RBFOX1: variants seen among roughly 807,000 people sequenced by gnomAD.
RBFOX1 encodes RNA binding fox-1 homolog 1, also known as RNA binding protein fox-1 homolog 1.
RBFOX1 carries 8 observed loss-of-function variants against 57.7 expected under a neutral mutation model. The ratio of observed to expected loss-of-function variants is 0.14; its 90% CI spans 0.08 to 0.25. The LOEUF (loss-of-function observed/expected upper bound fraction) is 0.25, where lower values mean the gene tolerates loss of function less well. Among genes scored for constraint, RBFOX1 ranks in the 10% least tolerant of loss-of-function variants. The probability of loss-of-function intolerance (pLI) is 1.00; values close to 1 mark genes in which losing one functional copy is unlikely to be tolerated. For missense variants in RBFOX1, 611 were observed against 548.5 expected (o/e 1.11, Z -1.14); for synonymous variants, 326 against 222.4 (o/e 1.47, Z -4.15).
At position 6,340,231 on chromosome 16, in the gene RBFOX1, C is replaced by G. The variant is rs182252582; in HGVS notation, c.-64+23174C>G. On this transcript the variant is annotated intron_variant, in intron 2 of 15. Coordinates refer to ENST00000550418, the MANE Select transcript of RBFOX1 (RefSeq NM_018723.4). ...CTAAGGGGTCACGAAACAGGCCGTC[C>G]GACTATCTGCAGCAAGGGGACAGGA... Among the ~76,000 whole-genome samples the G allele has an allele frequency of 1.3e-3, 194 of 152,114 alleles. 1 individual carries two copies. In the South Asian group the frequency reaches 0.013, roughly 10 times the overall value.
intron 4 of RBFOX1, among the ~76,000 whole-genome samples, chr16:7,420,274 A>C (rs547451025): frequency 6.6e-6 from 1 of 152,154 alleles, no homozygotes; most frequent in Non-Finnish European, 1.5e-5. Context: ...TTAGATTTTA[A>C]GGAAGCTAAG....
chr16:7,403,226 GT>G (rs1162856455), intron 4 of RBFOX1, among the ~76,000 whole-genome samples: 1 of 152,126 alleles, frequency 6.6e-6, no homozygotes, highest in Non-Finnish European at 1.5e-5. Flanking sequence ...TCAGAGTTCC[GT>G]TTTTTGGTGA....
At chr16:6,004,406 A>G (rs2060657179) in intron 4 of RBFOX1, among the ~76,000 whole-genome samples, 1 of 152,162 alleles carries the variant, frequency 6.6e-6, no homozygotes, top group Admixed American at 6.5e-5. Flanking sequence ...TAATATTTGT[A>G]AAGATTTAGG....
At chr16:6,961,229 C>G (rs998738565) in intron 3 of RBFOX1, among the ~76,000 whole-genome samples, 1 of 151,746 alleles carries the variant, frequency 6.6e-6, no homozygotes, top group Non-Finnish European at 1.5e-5. Flanking sequence ...ATAGGATGTC[C>G]CTGAGCTGCT....
At chr16:5,618,338 T>TG (rs1567305651) in intron 3 of RBFOX1, among the ~76,000 whole-genome samples, 48 of 143,668 alleles carry the variant, frequency 3.3e-4, no homozygotes, top group Middle Eastern at 3.5e-3. Flanking sequence ...GATTTTTTTT[T>TG]TTTGTGTGTG....
chr16:7,211,129 C>A (rs903871665), intron 4 of RBFOX1, among the ~76,000 whole-genome samples: 1 of 150,458 alleles, frequency 6.6e-6, no homozygotes, highest in Admixed American at 6.6e-5. Context: ...CTGTGGCTCA[C>A]ACCTGTAATC....
chr16:5,891,435 A>T (rs1567677029), intron 4 of RBFOX1, among the ~76,000 whole-genome samples: 1 of 152,228 alleles, frequency 6.6e-6, no homozygotes, highest in Non-Finnish European at 1.5e-5. Flanking sequence ...TACATCTTTT[A>T]ATAACTTTGG....
At chr16:6,171,382 C>A (rs1328034821) in intron 1 of RBFOX1, among the ~76,000 whole-genome samples, 5 of 152,150 alleles carry the variant, frequency 3.3e-5, no homozygotes, top group Non-Finnish European at 4.4e-5. Context: ...ACTTTCAATG[C>A]ATAAGGAGTT....
At chr16:5,662,824 T>G (rs1253199256) in intron 3 of RBFOX1, among the ~76,000 whole-genome samples, 1 of 152,230 alleles carries the variant, frequency 6.6e-6, no homozygotes, top group Non-Finnish European at 1.5e-5. Context: ...AGTGGCCCCT[T>G]TGCTTCAGTT....
At chr16:6,171,371 C>T (rs981722622) in intron 1 of RBFOX1, among the ~76,000 whole-genome samples, 5 of 152,136 alleles carry the variant, frequency 3.3e-5, no homozygotes, top group African/African-American at 1.2e-4. Flanking sequence ...CAATTCTTTC[C>T]ACTTTCAATG....
At chr16:5,666,657 C>G (rs565614021) in intron 3 of RBFOX1, among the ~76,000 whole-genome samples, 2 of 152,186 alleles carry the variant, frequency 1.3e-5, no homozygotes, top group Non-Finnish European at 2.9e-5. Context: ...GCTAGGGCAG[C>G]CACTTTAGAT....
chr16:7,290,952 A>G (rs1047210384), intron 4 of RBFOX1, among the ~76,000 whole-genome samples: 2 of 152,214 alleles, frequency 1.3e-5, no homozygotes, highest in Non-Finnish European at 2.9e-5. Context: ...CTCCATCTCA[A>G]TATTGCAAAA....
intron 2 of RBFOX1, among the ~76,000 whole-genome samples, chr16:5,570,463 G>A (rs567443415): frequency 6.6e-6 from 1 of 152,182 alleles, no homozygotes; most frequent in Non-Finnish European, 1.5e-5. Context: ...CATTTGATAA[G>A]TTGTAGCCAT....
chr16:6,440,774 C>T (rs915637512), intron 2 of RBFOX1, among the ~76,000 whole-genome samples: 1 of 144,738 alleles, frequency 6.9e-6, no homozygotes, highest in South Asian at 2.2e-4. Context: ...GTGCCTCAGC[C>T]TGGGTGACAG....
At chr16:7,255,988 T>C (rs1249778972) in intron 4 of RBFOX1, among the ~76,000 whole-genome samples, 2 of 152,208 alleles carry the variant, frequency 1.3e-5, no homozygotes, top group African/African-American at 4.8e-5. Flanking sequence ...TTGGTGTTAG[T>C]TTATTGTCTC....
chr16:5,451,197 T>A (rs935222355), intron 1 of RBFOX1, among the ~76,000 whole-genome samples: 5 of 152,134 alleles, frequency 3.3e-5, no homozygotes, highest in African/African-American at 1.2e-4. Flanking sequence ...CTCTGATTGG[T>A]TCCAGTTGTT....
chr16:6,616,679 C>A (rs1464213298), intron 2 of RBFOX1, among the ~76,000 whole-genome samples: 1 of 152,182 alleles, frequency 6.6e-6, no homozygotes, highest in African/African-American at 2.4e-5. Flanking sequence ...AGGTGATCTA[C>A]CTGCCTCTGC....
At chr16:7,709,883 AC>A in intron 15 of RBFOX1, 1 of 1,100,224 alleles carries the variant, frequency 9.1e-7, no homozygotes, top group Non-Finnish European at 1.1e-6. Context: ...TGCAATCATT[AC>A]AAAGCTTTGG....
chr16:7,437,110 G>C (rs981224917), intron 4 of RBFOX1, among the ~76,000 whole-genome samples: 1 of 152,104 alleles, frequency 6.6e-6, no homozygotes, highest in Non-Finnish European at 1.5e-5. Context: ...GAAAGCCACA[G>C]AGCAGAAGCA....
Sources: allele counts gnomAD v4.1 joint callset (sites outside exome capture counted in the v4.1 genomes callset), GRCh38; gene constraint gnomAD v4.1.1; transcripts MANE v1.5; gene names NCBI Gene and HGNC (gene_info 2026-07-23, HGNC 2026-07-21).